The following SIRPA variants were observed in gnomAD, a reference collection of about 807,000 sequenced individuals.
The protein encoded by SIRPA is tyrosine-protein phosphatase non-receptor type substrate 1.
In SIRPA, 9 loss-of-function variants were observed where a neutral mutation model predicts 50.3. The ratio of observed to expected loss-of-function variants is 0.18; its 90% CI spans 0.11 to 0.31. SIRPA has a LOEUF of 0.31. SIRPA is among the 10% of genes least tolerant of loss of function. The probability of loss-of-function intolerance (pLI) is 1.00; values close to 1 mark genes in which losing one functional copy is unlikely to be tolerated. For missense variants in SIRPA, 474 were observed against 661.6 expected (o/e 0.72, Z 3.11); for synonymous variants, 265 against 284.1 (o/e 0.93, Z 0.68).
chr20:1,927,780 A>G lies in SIRPA; in HGVS notation c.1202-95A>G. On this transcript the variant is annotated intron_variant, in intron 5 of 7. Transcript: ENST00000358771. The surrounding 1 kb of genome is among the most constrained non-coding windows in gnomAD (Gnocchi z 6.5). ...GATGTGATTACAGCATTTCCTCTCCATGTCCCTGGAGGCAAACCTTTTGCC... is the reference window on the plus strand; with the variant it reads ...GATGTGATTACAGCATTTCCTCTCCGTGTCCCTGGAGGCAAACCTTTTGCC... The G allele has an allele frequency of 9.3e-7, 1 of 1,080,756 alleles. No homozygotes were observed. Among genetic ancestry groups the G allele is most frequent in the Non-Finnish European group, 1.4e-6 (1 of 694,186 alleles). 66.9% of individuals were successfully genotyped at this position (1,080,756 alleles called of 1,614,324 possible). A position where few individuals can be genotyped will look rare whatever the true frequency, so the allele number is the denominator to read the frequency against.
chr20:1,927,592 C>G lies in SIRPA; in HGVS notation c.1202-283C>G, dbSNP rs1256751422. Among the ~76,000 whole-genome samples, 1 of 152,188 alleles carries G rather than the reference C, an allele frequency of 6.6e-6. No individual in the cohort carries two copies. The highest frequency in any genetic ancestry group is 2.4e-5 in the African/African-American group (1 of 41,430). On this transcript the variant is annotated intron_variant, in intron 5 of 7. Transcript: ENST00000358771. This position sits in a 1 kb window ranked among gnomAD's most constrained non-coding sequence, Gnocchi z 6.5. ...TGGTTGAATGGAGGTGAGACCCAGACAGAGGTAGGGCGGTTGTCGCCTCCC... is the reference window on the plus strand; with the variant it reads ...TGGTTGAATGGAGGTGAGACCCAGAGAGAGGTAGGGCGGTTGTCGCCTCCC...
chr20:1,895,264 A>AG (rs1205218662), upstream of SIRPA: 181 of 366,970 alleles, frequency 4.9e-4, 3 homozygotes, highest in African/African-American at 2.4e-3. Flanking sequence ...GGGGGCGGGG[A>AG]GGGGGGGTCT....
intron 1 of SIRPA, among the ~76,000 whole-genome samples, chr20:1,912,532 C>T (rs1419570066): frequency 3.3e-5 from 5 of 152,256 alleles, no homozygotes; most frequent in Non-Finnish European, 7.3e-5. Context: ...AGGTTGGAAA[C>T]AGTCCCTTGT....
At position 1,924,711 on chromosome 20, in the gene SIRPA, G is replaced by A. The variant is rs879104041; in HGVS notation, c.1088-53G>A. 1.3e-6 allele frequency: 2 copies of A among 1,496,382 alleles called. No individual in the cohort carries two copies. The highest frequency in any genetic ancestry group is 2.3e-5 in the South Asian group (2 of 88,600). The allele number at this position is 1,496,382 out of a possible 1,614,324, so 92.7% of individuals were successfully genotyped here. On this transcript the variant is annotated intron_variant, in intron 4 of 7. Coordinates refer to ENST00000358771, the MANE Select transcript of SIRPA (RefSeq NM_001040023.2). This position sits in a 1 kb window ranked among gnomAD's most constrained non-coding sequence, Gnocchi z 4.5. The stretch of plus-strand genomic sequence containing the variant: ...GTGGTGAAAAGCAGTGGTGGGTTTG[G>A]TTTTCTGTTTTTAATCTGCATACGT...
chr20:1,912,832 G>A (rs1359338917), intron 1 of SIRPA, among the ~76,000 whole-genome samples: 1 of 152,250 alleles, frequency 6.6e-6, no homozygotes, highest in Non-Finnish European at 1.5e-5. Context: ...CCCCGAGGCA[G>A]CCTTTCCAGT....
rs1368254430 is a variant in SIRPA, at chr20:1,922,488, C to T, written c.930C>T (p.Tyr310=). The T allele has an allele frequency of 6.2e-6, 10 of 1,614,090 alleles. No homozygotes were observed. The highest frequency in any genetic ancestry group is 2.7e-5 in the African/African-American group (2 of 74,942). ...STVTENKDGT[Y]NWMSWLLVNV... is the part of the protein sequence containing the mutation. ...TTACAGAGAACAAGGATGGTACCTA[C>T]AACTGGATGAGCTGGCTCCTGGTGA... The change falls in exon 4 of 8, where the codon TAC becomes TAT. Residue 310 remains tyrosine, a synonymous_variant. Transcript: ENST00000358771.
At chr20:1,894,351 G>C (rs1983627715), upstream of SIRPA, 1 of 151,742 alleles carries the variant, frequency 6.6e-6, no homozygotes, top group African/African-American at 2.4e-5. The surrounding 1 kb of genome is among the most constrained non-coding windows in gnomAD (Gnocchi z 4.0). Flanking sequence ...GTCCGGAGGC[G>C]AGGGGAGGTC....
At position 1,924,976 on chromosome 20, in the gene SIRPA, C is replaced by T. The variant is rs753740391; in HGVS notation, c.1201+99C>T. 6 of 921,268 alleles carry T rather than the reference C, an allele frequency of 6.5e-6. No homozygotes were observed. The highest frequency in any genetic ancestry group is 4.0e-5 in the Admixed American group (2 of 49,724). 57.1% of individuals were successfully genotyped at this position (921,268 alleles called of 1,614,324 possible). A position where few individuals can be genotyped will look rare whatever the true frequency, so the allele number is the denominator to read the frequency against. On this transcript the variant is annotated intron_variant, in intron 5 of 7. Coordinates refer to ENST00000358771, the MANE Select transcript of SIRPA (RefSeq NM_001040023.2). This position sits in a 1 kb window ranked among gnomAD's most constrained non-coding sequence, Gnocchi z 4.5. ...TTTGGGTTAAGGACATCAGCTTCTG[C>T]CAGTAGCAAGAAGTCCAGAGGTAGT...
At chr20:1,897,789 A>G (rs1255046992) in intron 1 of SIRPA, among the ~76,000 whole-genome samples, 1 of 152,144 alleles carries the variant, frequency 6.6e-6, no homozygotes, top group East Asian at 1.9e-4. Context: ...GAGGCAAGAG[A>G]AGAAGTTTCT....
intron 2 of SIRPA, among the ~76,000 whole-genome samples, chr20:1,918,497 C>G (rs963491754): frequency 2.0e-5 from 3 of 151,750 alleles, no homozygotes; most frequent in African/African-American, 7.3e-5. Flanking sequence ...CAGGTGTGAG[C>G]CACTGCGCCC....
Position 1,916,483 on chromosome 20 carries a change from T to C in SIRPA, c.436+1028T>C, listed in dbSNP as rs576405335. On this transcript the variant is annotated intron_variant, in intron 2 of 7. Coordinates refer to ENST00000358771, the MANE Select transcript of SIRPA (RefSeq NM_001040023.2). ...AGCCTGGTGCATCATAGGTGCCGAC[T>C]GAAAGCTCCTTGAACAGAACTGCTA... is the stretch of plus-strand genomic sequence containing the variant. Among the ~76,000 whole-genome samples the C allele has an allele frequency of 1.1e-4, 17 of 152,330 alleles. 1 individual carries two copies. The highest frequency in any genetic ancestry group is 7.8e-4 in the Admixed American group (12 of 15,304).
At chr20:1,921,985 C>T (rs1054464139) in intron 3 of SIRPA, among the ~76,000 whole-genome samples, 2 of 152,192 alleles carry the variant, frequency 1.3e-5, no homozygotes, top group Admixed American at 1.3e-4. Context: ...TGAGTACCTA[C>T]TATGAACTAA....
intron 5 of SIRPA, among the ~76,000 whole-genome samples, chr20:1,925,374 G>A (rs904454844): frequency 6.6e-6 from 1 of 152,234 alleles, no homozygotes; most frequent in Non-Finnish European, 1.5e-5. Context: ...GCACACAAGT[G>A]CTCAATGTAT....
chr20:1,928,041 T>C lies in SIRPA; in HGVS notation c.1226+142T>C, dbSNP rs1986092424. 1.3e-6 allele frequency: 1 copy of C among 768,142 alleles called. No homozygotes were observed. Among genetic ancestry groups the C allele is most frequent in the Non-Finnish European group, 2.3e-6 (1 of 429,744 alleles). The allele number at this position is 768,142 out of a possible 1,614,324, so 47.6% of individuals were successfully genotyped here. A position where few individuals can be genotyped will look rare whatever the true frequency, so the allele number is the denominator to read the frequency against. On this transcript the variant is annotated intron_variant, in intron 6 of 7. Transcript: ENST00000358771. This position sits in a 1 kb window ranked among gnomAD's most constrained non-coding sequence, Gnocchi z 4.9. ...TCTCTTTCTCTCCTTTGTAACCTCC[T>C]CACACTGGGTCACGCTGTTTTTAAT...
Position 1,898,735 on chromosome 20 carries a change from G to A in SIRPA, c.79+3209G>A, listed in dbSNP as rs186750233. On this transcript the variant is annotated intron_variant, in intron 1 of 7. Transcript: ENST00000358771. The surrounding 1 kb of genome is among the most constrained non-coding windows in gnomAD (Gnocchi z 4.3). Reference sequence around the variant, plus strand: ...GGCCCCTTTCTGGCCTTGGGTGGAGGACTGTAGAAGAGTTCTTTCTCTGGG... The same window carrying A: ...GGCCCCTTTCTGGCCTTGGGTGGAGAACTGTAGAAGAGTTCTTTCTCTGGG... Among the ~76,000 whole-genome samples, 1 of 152,134 alleles carries A rather than the reference G, an allele frequency of 6.6e-6. No individual in the cohort carries two copies. Among genetic ancestry groups the A allele is most frequent in the Non-Finnish European group, 1.5e-5 (1 of 67,998 alleles).
intron 5 of SIRPA, among the ~76,000 whole-genome samples, chr20:1,925,573 G>C (rs1274496136): frequency 6.6e-6 from 1 of 152,186 alleles, no homozygotes; most frequent in Non-Finnish European, 1.5e-5. Flanking sequence ...GTGTGTGCTG[G>C]TTGTTGGGAG....
intron 1 of SIRPA, among the ~76,000 whole-genome samples, chr20:1,907,525 G>C (rs2123034985): frequency 6.6e-6 from 1 of 152,262 alleles, no homozygotes; most frequent in East Asian, 1.9e-4. Context: ...CCTCCTCTTG[G>C]AATGCCTTCC....
intron 1 of SIRPA, 31 bp from the exon 2 acceptor site, chr20:1,915,068 G>A (rs112912386): frequency 0.37 from 548,267 of 1,471,580 alleles, 110,275 homozygotes; most frequent in East Asian, 0.65. Flanking sequence ...ACGTAAGGAT[G>A]AAAAAATGAC....
chr20:1,899,023 C>G (rs1320223185), intron 1 of SIRPA, among the ~76,000 whole-genome samples: 1 of 152,058 alleles, frequency 6.6e-6, no homozygotes, highest in African/African-American at 2.4e-5. Flanking sequence ...CCCACACGCG[C>G]TCGCTTGCTG....
Sources: gnomAD v4.1 joint callset for allele counts (sites outside exome capture counted in the v4.1 genomes callset) on GRCh38, gnomAD v4.1.1 for gene constraint, Gnocchi (gnomAD v3.1) non-coding constraint, MANE v1.5 for transcripts, NCBI Gene and HGNC (gene_info 2026-07-23, HGNC 2026-07-21) for gene names.